IGF2BP2: variants seen among roughly 807,000 people sequenced by gnomAD.
IGF2BP2 encodes insulin-like growth factor 2 mRNA-binding protein 2.
IGF2BP2 carries 17 observed loss-of-function variants against 75.8 expected under a neutral mutation model. That is an observed-to-expected ratio of 0.22 (90% CI 0.15 to 0.34). The LOEUF is 0.34. Ranked by LOEUF, IGF2BP2 falls within the 10% of genes least tolerant of loss-of-function variation. The pLI is 1.00. For synonymous variants in IGF2BP2, 288 were observed against 295.6 expected, an observed-to-expected ratio of 0.97 and a Z score of 0.26; for missense variants, 516 against 772.4, an observed-to-expected ratio of 0.67 and a Z score of 3.93.
intron 4 of IGF2BP2, among the ~76,000 whole-genome samples, chr3:185,694,540 C>G (rs1158166126): frequency 6.6e-6 from 1 of 152,158 alleles, no homozygotes; most frequent in Non-Finnish European, 1.5e-5. Flanking sequence ...AAATATTTTC[C>G]TGCTGAATCA....
intron 7 of IGF2BP2, among the ~76,000 whole-genome samples, chr3:185,676,148 G>A (rs1306158100): frequency 6.6e-6 from 1 of 152,112 alleles, no homozygotes; most frequent in Non-Finnish European, 1.5e-5. Context: ...GTGGATCCAT[G>A]AGGCTGATCT....
chr3:185,659,251 A>G (rs1388989793), intron 10 of IGF2BP2, among the ~76,000 whole-genome samples: 1 of 151,956 alleles, frequency 6.6e-6, no homozygotes, highest in Non-Finnish European at 1.5e-5. Flanking sequence ...AGAGAGAGTG[A>G]CTGAGAGAGG....
intron 4 of IGF2BP2, among the ~76,000 whole-genome samples, chr3:185,694,444 T>C (rs1722327031): frequency 6.6e-6 from 1 of 152,246 alleles, no homozygotes; most frequent in African/African-American, 2.4e-5. Context: ...AGGCAGTTCT[T>C]TGATTCTGTG....
chr3:185,765,187 A>C (rs1480337870), intron 2 of IGF2BP2, among the ~76,000 whole-genome samples: 1 of 152,054 alleles, frequency 6.6e-6, no homozygotes, highest in Non-Finnish European at 1.5e-5. Context: ...AAAGCTGCCA[A>C]AGCTCTGGCG....
chr3:185,712,250 T>C (rs1724914071), intron 2 of IGF2BP2, among the ~76,000 whole-genome samples: 1 of 152,300 alleles, frequency 6.6e-6, no homozygotes, highest in Admixed American at 6.5e-5. Flanking sequence ...TTCCTTGGTG[T>C]GAAATGTAAA....
chr3:185,668,029 A>C (rs1331741422), intron 10 of IGF2BP2, among the ~76,000 whole-genome samples: 1 of 152,234 alleles, frequency 6.6e-6, no homozygotes, highest in Non-Finnish European at 1.5e-5. Flanking sequence ...AAACAGAAAA[A>C]AAGTGTAACT....
chr3:185,647,228 G>A lies in IGF2BP2; in HGVS notation c.1594-90C>T. The A allele has an allele frequency of 2.2e-6, 2 of 913,264 alleles. No individual in the cohort carries two copies. The highest frequency in any genetic ancestry group is 3.2e-5 in the African/African-American group (2 of 61,570). 56.6% of individuals were successfully genotyped at this position (913,264 alleles called of 1,614,324 possible). A position where few individuals can be genotyped will look rare whatever the true frequency, so the allele number is the denominator to read the frequency against. ...ACGGAGTGAGGGGCCAAGAGGTGGA[G>A]CAGGGGAAGGAGGGGGGCTGGACTC... On this transcript the variant is annotated intron_variant, in intron 14 of 15. Coordinates refer to ENST00000382199, the MANE Select transcript of IGF2BP2 (RefSeq NM_006548.6). The surrounding 1 kb of genome is among the most constrained non-coding windows in gnomAD (Gnocchi z 4.9).
intron 2 of IGF2BP2, among the ~76,000 whole-genome samples, chr3:185,805,848 T>G (rs1233749741): frequency 6.6e-6 from 1 of 151,070 alleles, no homozygotes; most frequent in Non-Finnish European, 1.5e-5. Context: ...CTCGGCTCAC[T>G]GCAGTGTCCG....
At chr3:185,721,212 A>ATTC (rs899425273) in intron 2 of IGF2BP2, among the ~76,000 whole-genome samples, 1 of 151,818 alleles carries the variant, frequency 6.6e-6, no homozygotes, top group African/African-American at 2.4e-5. Context: ...TATTATTATT[A>ATTC]TTATTTGTTT....
At chr3:185,706,035 C>T (rs1560327103) in intron 2 of IGF2BP2, among the ~76,000 whole-genome samples, 1 of 152,212 alleles carries the variant, frequency 6.6e-6, no homozygotes, top group Non-Finnish European at 1.5e-5. Flanking sequence ...CTAGATTTCT[C>T]TTTTGAGGAA....
Position 185,657,385 on chromosome 3 carries a change from A to G in IGF2BP2, c.1287T>C (p.Ile429=). The change falls in exon 12 of 16, where the codon ATT becomes ATC. Residue 429 remains isoleucine, a synonymous_variant. Transcript: ENST00000382199. ...PHHHSYPEQE[I]VNLFIPTQAV... ...CCTGGGTTGGGATGAAGAGATTCAC[A>G]ATCTCCTGCTCTGGATACTGGGAGG... The G allele has an allele frequency of 6.2e-7, 1 of 1,613,582 alleles. No homozygotes were observed. Among genetic ancestry groups the G allele is most frequent in the Admixed American group, 1.7e-5 (1 of 59,994 alleles).
intron 2 of IGF2BP2, among the ~76,000 whole-genome samples, chr3:185,783,827 G>T (rs1167985743): frequency 6.6e-6 from 1 of 152,094 alleles, no homozygotes; most frequent in African/African-American, 2.4e-5. Flanking sequence ...AATATTTTTT[G>T]ATATTTTTAC....
At chr3:185,723,787 C>T (rs1449838932) in intron 2 of IGF2BP2, among the ~76,000 whole-genome samples, 5 of 152,172 alleles carry the variant, frequency 3.3e-5, no homozygotes, top group Non-Finnish European at 4.4e-5. Flanking sequence ...AGACAGCATA[C>T]GATGGGAGCT....
At chr3:185,704,280 T>C (rs568525561) in intron 2 of IGF2BP2, among the ~76,000 whole-genome samples, 1 of 152,314 alleles carries the variant, frequency 6.6e-6, no homozygotes, top group South Asian at 2.1e-4. Context: ...TTCCAGTCTA[T>C]TGCACGCGCT....
chr3:185,722,313 G>A, intron 2 of IGF2BP2: 1 of 454,118 alleles, frequency 2.2e-6, no homozygotes, highest in Admixed American at 2.4e-5. Flanking sequence ...TGCCACTGCA[G>A]AGAGATATAA....
intron 12 of IGF2BP2, among the ~76,000 whole-genome samples, 181 bp from the exon 13 acceptor site, chr3:185,652,349 GC>G: frequency 6.6e-6 from 1 of 152,116 alleles, no homozygotes; most frequent in Non-Finnish European, 1.5e-5. Context: ...TGACTGTAAT[GC>G]CCAGTATCAA....
chr3:185,676,415 C>A (rs566561509), intron 7 of IGF2BP2, among the ~76,000 whole-genome samples: 1 of 152,148 alleles, frequency 6.6e-6, no homozygotes, highest in Non-Finnish European at 1.5e-5. Flanking sequence ...CCGTGGTTCA[C>A]GCCTGTAATT....
chr3:185,716,529 T>G (rs1226599017), intron 2 of IGF2BP2: 1 of 520,180 alleles, frequency 1.9e-6, no homozygotes, highest in South Asian at 1.4e-5. Flanking sequence ...TGCTTTATCC[T>G]GTAGCCCTCC....
At chr3:185,771,010 C>T (rs1733793090) in intron 2 of IGF2BP2, among the ~76,000 whole-genome samples, 1 of 152,256 alleles carries the variant, frequency 6.6e-6, no homozygotes, top group Non-Finnish European at 1.5e-5. Context: ...CTTGGCTACC[C>T]AAAATGCTGA....
Sources: allele counts gnomAD v4.1 joint callset (sites outside exome capture counted in the v4.1 genomes callset), GRCh38; gene constraint gnomAD v4.1.1; non-coding constraint Gnocchi (gnomAD v3.1); transcripts MANE v1.5; gene names NCBI Gene and HGNC (gene_info 2026-07-23, HGNC 2026-07-21).